FBF1: variants seen among roughly 807,000 people sequenced by gnomAD.
FBF1 encodes the protein fas-binding factor 1.
Under a neutral mutation model 147.2 loss-of-function variants are expected in FBF1, and 119 were observed. The ratio of observed to expected loss-of-function variants is 0.81; its 90% CI spans 0.70 to 0.94. The LOEUF is 0.94. Among genes scored for constraint, FBF1 ranks in the 40% least tolerant of loss-of-function variants. FBF1 has a pLI of 0.00. For missense variants in FBF1, 1,449 were observed against 1,500.8 expected (o/e 0.97, Z 0.57); for synonymous variants, 601 against 609.0 (o/e 0.99, Z 0.19).
chr17:75,931,319 G>T, intron 5 of FBF1, 30 bp from the exon 6 acceptor site: 1 of 1,559,664 alleles, frequency 6.4e-7, no homozygotes, highest in Non-Finnish European at 8.7e-7. Flanking sequence ...GCCCCTACCT[G>T]CATCCCAGGG....
rs1021894606 is a variant in FBF1, at chr17:75,910,425, CA to C, written c.*297del. The C allele has an allele frequency of 7.3e-6, 3 of 412,146 alleles. No individual in the cohort carries two copies. The highest frequency in any genetic ancestry group is 1.3e-5 in the Non-Finnish European group (3 of 225,764). The allele number at this position is 412,146 out of a possible 1,614,324, so 25.5% of individuals were successfully genotyped here. ...GAGCCCAGGGGGAGCCCACAGAGCC[CA>C]GTGAGAGCTGGGGGTCCTTGCTGCC... On this transcript the variant is annotated 3_prime_UTR_variant, in exon 30 of 30. Transcript: ENST00000636174. The surrounding 1 kb of genome is among the most constrained non-coding windows in gnomAD (Gnocchi z 4.1).
chr17:75,931,102 A>T, intron 6 of FBF1, 127 bp downstream of exon 6: 1 of 1,008,828 alleles, frequency 9.9e-7, no homozygotes, highest in Non-Finnish European at 1.5e-6. Flanking sequence ...CTCAAAAAAC[A>T]AACAAAAAGA....
At chr17:75,929,945 A>ACCCCCCCCCCCCCCCCCCCCCC in intron 7 of FBF1, 52 bp downstream of exon 7, 3 of 650,912 alleles carry the variant, frequency 4.6e-6, no homozygotes, top group South Asian at 1.6e-5. Flanking sequence ...AAATATCATG[A>ACCCCCCCCCCCCCCCCCCCCCC]CCCCACCCCA....
Position 75,919,859 on chromosome 17 carries a change from C to A in FBF1, c.1947G>T (p.Val649=). The A allele has an allele frequency of 6.2e-7, 1 of 1,613,796 alleles. No homozygotes were observed. Among genetic ancestry groups the A allele is most frequent in the Non-Finnish European group, 8.5e-7 (1 of 1,179,894 alleles). ...IESAHRSRIK[V]LETSYQQREE... is the part of the protein sequence containing the mutation. ...CCCGTTGCTGGTACGATGTTTCTAGCACCTTGATGCGGCTTCTGCCAACAG... is the reference window on the plus strand; with the variant it reads ...CCCGTTGCTGGTACGATGTTTCTAGAACCTTGATGCGGCTTCTGCCAACAG... Residue 649 remains valine, a synonymous_variant, in exon 20 of 30, where the codon GTG becomes GTT. Transcript: ENST00000636174. This position sits in a 1 kb window ranked among gnomAD's most constrained non-coding sequence, Gnocchi z 5.0.
At chr17:75,924,138 C>T (rs58587945) in intron 13 of FBF1, among the ~76,000 whole-genome samples, 12,575 of 152,014 alleles carry the variant, frequency 0.083, 714 homozygotes, top group Non-Finnish European at 0.12. Context: ...TGCTTGAACC[C>T]GGGAGGCAGA....
In FBF1 at chr17:75,914,777, C is replaced by T. The variant is rs1223292267; in HGVS notation, c.2784G>A (p.Gln928=). 1.3e-6 allele frequency: 2 copies of T among 1,590,792 alleles called. No individual in the cohort carries two copies. The highest frequency in any genetic ancestry group is 8.5e-7 in the Non-Finnish European group (1 of 1,169,800). The change falls in exon 25 of 30, where the codon CAG becomes CAA. Residue 928 remains glutamine (Q), a synonymous_variant. Coordinates refer to ENST00000636174, the MANE Select transcript of FBF1 (RefSeq NM_001319193.2). Reference sequence around the variant, plus strand: ...CCAGGCTGATGAGGGTGCCCTCCCGCTGGGTGTCCACCTGCAATGCCCGCT... The same window carrying T: ...CCAGGCTGATGAGGGTGCCCTCCCGTTGGGTGTCCACCTGCAATGCCCGCT... ...EAERALQVDT[Q]REGTLISLAK...
In FBF1 at chr17:75,923,413, C is replaced by T. The variant is rs61742707; in HGVS notation, c.1197G>A (p.Thr399=). 2,237 of 1,607,522 alleles carry T rather than the reference C, an allele frequency of 1.4e-3. 19 individuals are homozygous for T. In the African/African-American group the frequency reaches 0.026, roughly 19 times the overall value. ...CCCTGGAGGGGGGCAGCCCAGCTGG[C>T]GTGGAGTGCTGGCTCGCAGGAGGAG... ...SVPPPASQHS[T]PAGLPPSRAK... is the part of the protein sequence containing the mutation. The change falls in exon 14 of 30, where the codon ACG becomes ACA. Residue 399 remains threonine, a synonymous_variant. Transcript: ENST00000636174. This position sits in a 1 kb window ranked among gnomAD's most constrained non-coding sequence, Gnocchi z 4.1.
At chr17:75,911,324 CATA>C (rs2065455587) in intron 29 of FBF1, among the ~76,000 whole-genome samples, 1 of 152,108 alleles carries the variant, frequency 6.6e-6, no homozygotes, top group South Asian at 2.1e-4. Flanking sequence ...GGAAATGCTC[CATA>C]ATGACAACTG....
chr17:75,926,588 C>T (rs1420613135), intron 10 of FBF1, among the ~76,000 whole-genome samples, 162 bp from the exon 11 acceptor site: 1 of 152,216 alleles, frequency 6.6e-6, no homozygotes, highest in Non-Finnish European at 1.5e-5. Flanking sequence ...TACTCCCAGA[C>T]TCACACGTCC....
chr17:75,929,945 A>ACCAC, intron 7 of FBF1, 52 bp downstream of exon 7: 8 of 650,910 alleles, frequency 1.2e-5, no homozygotes, highest in Non-Finnish European at 2.0e-5. Flanking sequence ...AAATATCATG[A>ACCAC]CCCCACCCCA....
chr17:75,927,628 C>T, intron 8 of FBF1, 96 bp from the exon 9 acceptor site: 1 of 1,079,732 alleles, frequency 9.3e-7, no homozygotes, highest in Non-Finnish European at 1.4e-6. Context: ...ATGGGGTGCA[C>T]TTCTTCCTGG....
In FBF1 at chr17:75,914,120, A is replaced by G. The variant is rs778614457; in HGVS notation, c.2991+2T>C. On this transcript the variant is annotated splice_donor_variant, in intron 26 of 29. Coordinates refer to ENST00000636174, the MANE Select transcript of FBF1 (RefSeq NM_001319193.2). LOFTEE classifies it high-confidence loss of function. The stretch of plus-strand genomic sequence containing the variant: ...GCCCACGCCCATGTGCCCGAGCAGC[A>G]CCTTGCTCATGCTCTCCACCTCCTC... 1.9e-6 allele frequency: 3 copies of G among 1,599,634 alleles called. No homozygotes were observed. The Admixed American group carries it at 5.1e-5, about 27-fold the overall frequency.
In FBF1 at chr17:75,932,980, G is replaced by C. The variant is rs1022375499; in HGVS notation, c.167+15C>G. On this transcript the variant is annotated intron_variant, in intron 5 of 29. Coordinates refer to ENST00000636174, the MANE Select transcript of FBF1 (RefSeq NM_001319193.2). ...TGAAGTAGGTCATGGATACCCAGTC[G>C]GACCCTGCCCTTACTTTGTTCTCGC... is the stretch of plus-strand genomic sequence containing the variant. 1 of 1,574,670 alleles carries C rather than the reference G, an allele frequency of 6.4e-7. No homozygotes were observed. Among genetic ancestry groups the C allele is most frequent in the Non-Finnish European group, 8.7e-7 (1 of 1,149,424 alleles).
At chr17:75,933,279 A>T (rs187058172) in intron 4 of FBF1, among the ~76,000 whole-genome samples, 191 bp from the exon 5 acceptor site, 35 of 152,290 alleles carry the variant, frequency 2.3e-4, no homozygotes, top group Admixed American at 2.0e-3. Flanking sequence ...CCAAGGAGGA[A>T]GTCAACCCTA....
rs369975590 is a variant in FBF1 at position 75,925,356 on chromosome 17, T to C, written c.959A>G (p.Gln320Arg). 1.2e-6 allele frequency: 2 copies of C among 1,612,784 alleles called. No homozygotes were observed. The highest frequency in any genetic ancestry group is 1.1e-5 in the South Asian group (1 of 91,004). ...VSSEGRQSRRQSVSRFFADSG... is the reference protein window; with the variant it reads ...VSSEGRQSRRRSVSRFFADSG... Reference sequence around the variant, plus strand: ...TGCAGGCCCCACTTACCTGACAGACTGCCGGCGGGACTGCCGGCCCTCAGA... The same window carrying C: ...TGCAGGCCCCACTTACCTGACAGACCGCCGGCGGGACTGCCGGCCCTCAGA... The change falls in exon 13 of 30, where the codon CAG (glutamine) becomes CGG (arginine). Residue 320 changes from glutamine to arginine, a missense_variant. Gln to Arg is a conservative substitution (Grantham distance 43). Transcript: ENST00000636174. This position sits in a 1 kb window ranked among gnomAD's most constrained non-coding sequence, Gnocchi z 5.0.
chr17:75,911,656 G>A (rs1346250193), intron 29 of FBF1, among the ~76,000 whole-genome samples: 1 of 152,124 alleles, frequency 6.6e-6, no homozygotes, highest in Non-Finnish European at 1.5e-5. Flanking sequence ...GTAGCTGGGA[G>A]TACAGGTGTA....
chr17:75,940,120 A>G (rs2065652756), intron 1 of FBF1, among the ~76,000 whole-genome samples: 1 of 151,358 alleles, frequency 6.6e-6, no homozygotes, highest in African/African-American at 2.4e-5. Context: ...TAATTTTTGT[A>G]TTTTTAGTAG....
rs1255798314 is a variant in FBF1, at chr17:75,926,381, T to G, written c.641A>C (p.Lys214Thr). The change falls in exon 11 of 30, where the codon AAA (lysine) becomes ACA (threonine). Residue 214 changes from lysine (K) to threonine (T), a missense_variant. Physicochemically the swap from Lys to Thr is moderately conservative, Grantham distance 78. Transcript: ENST00000636174. ...CCCATCATCAAACAACAATTCTTCT[T>G]TTTTTCGGATGGGGGTGTCCCCAGG... ...LTPGDTPIRK[K>T]EELLFDDGDD... is the part of the protein sequence containing the mutation. The G allele has an allele frequency of 1.0e-5, 16 of 1,605,194 alleles. No individual in the cohort carries two copies. Among genetic ancestry groups the G allele is most frequent in the Non-Finnish European group, 1.4e-5 (16 of 1,175,790 alleles).
chr17:75,925,550 A>G lies in FBF1; in HGVS notation c.869-104T>C. 2.1e-6 allele frequency: 2 copies of G among 966,950 alleles called. No homozygotes were observed. The highest frequency in any genetic ancestry group is 3.1e-6 in the Non-Finnish European group (2 of 640,300). The allele number at this position is 966,950 out of a possible 1,614,324, so 59.9% of individuals were successfully genotyped here. On this transcript the variant is annotated intron_variant, in intron 12 of 29. Transcript: ENST00000636174. The surrounding 1 kb of genome is among the most constrained non-coding windows in gnomAD (Gnocchi z 5.0). ...GCTGAATTTGGTAGCTTGTTGTGTA[A>G]GACAAGCAGAGGGAAGCTGCTGTGA...
Sources: allele counts gnomAD v4.1 joint callset (sites outside exome capture counted in the v4.1 genomes callset), GRCh38; gene constraint gnomAD v4.1.1; non-coding constraint Gnocchi (gnomAD v3.1); transcripts MANE v1.5; gene names NCBI Gene and HGNC (gene_info 2026-07-23, HGNC 2026-07-21).